ITGA9: variants seen among roughly 807,000 people sequenced by gnomAD.
ITGA9 encodes the protein integrin subunit alpha 9.
In ITGA9, 56 loss-of-function variants were observed where a neutral mutation model predicts 127.8. The observed-to-expected ratio is 0.44, with a 90% CI of 0.35 to 0.55. ITGA9 has a LOEUF of 0.55. ITGA9 is among the 20% of genes least tolerant of loss of function. The pLI is 0.00. For synonymous variants in ITGA9, 508 were observed against 514.5 expected (o/e 0.99, Z 0.17); for missense variants, 1,196 against 1,347.1 (o/e 0.89, Z 1.76).
intron 15 of ITGA9, among the ~76,000 whole-genome samples, chr3:37,627,315 C>A (rs1245695983): frequency 6.6e-6 from 1 of 152,178 alleles, no homozygotes. Context: ...AGCTCAGCAG[C>A]CACAGGCATG....
chr3:37,729,628 C>T (rs1575211319), intron 18 of ITGA9, among the ~76,000 whole-genome samples: 1 of 150,808 alleles, frequency 6.6e-6, no homozygotes, highest in Non-Finnish European at 1.5e-5. Flanking sequence ...TTCCAGAGTA[C>T]ATTTTTGAAG....
intron 18 of ITGA9, among the ~76,000 whole-genome samples, chr3:37,685,601 G>C (rs1305930561): frequency 6.6e-6 from 1 of 152,156 alleles, no homozygotes; most frequent in African/African-American, 2.4e-5. Flanking sequence ...TTGGGGATTT[G>C]ATCTGTGGAA....
intron 18 of ITGA9, among the ~76,000 whole-genome samples, chr3:37,725,838 A>G (rs2125686201): frequency 6.6e-6 from 1 of 152,316 alleles, no homozygotes; most frequent in South Asian, 2.1e-4. Context: ...TAGAGAAAGG[A>G]TGGTTAATTT....
intron 27 of ITGA9, among the ~76,000 whole-genome samples, chr3:37,816,987 C>G (rs1575252650): frequency 6.6e-6 from 1 of 152,340 alleles, no homozygotes; most frequent in South Asian, 2.1e-4. Context: ...CAGTTCTCGT[C>G]TTTGGCTTGG....
intron 27 of ITGA9, among the ~76,000 whole-genome samples, chr3:37,812,638 T>C (rs1388926853): frequency 1.3e-5 from 2 of 152,234 alleles, no homozygotes; most frequent in Admixed American, 1.3e-4. Context: ...AGGGAGCTGC[T>C]CTTTGGAGCT....
At chr3:37,564,440 T>C (rs1323125969) in intron 15 of ITGA9, among the ~76,000 whole-genome samples, 13 of 152,200 alleles carry the variant, frequency 8.5e-5, no homozygotes, top group Non-Finnish European at 1.5e-5. Context: ...GACTTAATTG[T>C]TTTGTTATAT....
intron 16 of ITGA9, among the ~76,000 whole-genome samples, chr3:37,641,218 T>C (rs1559556098): frequency 6.6e-6 from 1 of 152,172 alleles, no homozygotes; most frequent in Non-Finnish European, 1.5e-5. Flanking sequence ...TCCTGTCAGA[T>C]GAGCAGAGGC....
At chr3:37,618,279 T>A (rs1046184926) in intron 15 of ITGA9, among the ~76,000 whole-genome samples, 2 of 152,184 alleles carry the variant, frequency 1.3e-5, no homozygotes, top group African/African-American at 2.4e-5. Context: ...GAACAGTGGA[T>A]ATTGGTGAAC....
intron 6 of ITGA9, 104 bp downstream of exon 6, chr3:37,503,411 T>C (rs1486816453): frequency 3.9e-6 from 5 of 1,268,278 alleles, no homozygotes; most frequent in Non-Finnish European, 5.6e-6. Flanking sequence ...TTAGTTGGCT[T>C]TGACGCCTGT....
chr3:37,488,696 G>A (rs113291279), intron 4 of ITGA9, among the ~76,000 whole-genome samples: 10,519 of 151,798 alleles, frequency 0.069, 558 homozygotes, highest in African/African-American at 0.15. Flanking sequence ...TACTTGGGAG[G>A]GTGAGGCACG....
At chr3:37,734,983 A>G (rs1200358423) in intron 19 of ITGA9, among the ~76,000 whole-genome samples, 1 of 152,218 alleles carries the variant, frequency 6.6e-6, no homozygotes, top group African/African-American at 2.4e-5. Flanking sequence ...CACCCAGCAG[A>G]GACGGGGCTC....
chr3:37,802,710 C>T (rs946492288), intron 26 of ITGA9, among the ~76,000 whole-genome samples: 4 of 152,196 alleles, frequency 2.6e-5, no homozygotes, highest in Non-Finnish European at 5.9e-5. Context: ...GAAGTGAGCA[C>T]TGATACATGT....
rs542648667 is a variant in ITGA9, at chr3:37,747,325, G to A, written c.2434-3137G>A. ...GGATACATGAGATGTTTTGATACAG[G>A]CATGCAGTGCATAATAATCATGTAA... On this transcript the variant is annotated intron_variant, in intron 22 of 27. Coordinates refer to ENST00000264741, the MANE Select transcript of ITGA9 (RefSeq NM_002207.3). 3.3e-5 allele frequency among the ~76,000 whole-genome samples: 5 copies of A among 152,154 alleles called. No homozygotes were observed. In the South Asian group the frequency reaches 6.2e-4, roughly 19 times the overall value.
At chr3:37,663,640 T>A (rs187301988) in intron 17 of ITGA9, among the ~76,000 whole-genome samples, 3 of 152,320 alleles carry the variant, frequency 2.0e-5, no homozygotes, top group Admixed American at 2.0e-4. Context: ...AGTGGCAGAA[T>A]GGTTAGAATC....
At chr3:37,678,978 A>G (rs1575189712) in intron 17 of ITGA9, among the ~76,000 whole-genome samples, 1 of 152,340 alleles carries the variant, frequency 6.6e-6, no homozygotes, top group African/African-American at 2.4e-5. Flanking sequence ...TACAAACCCA[A>G]TAACGCAGTC....
chr3:37,619,027 C>G (rs1177170314), intron 15 of ITGA9, among the ~76,000 whole-genome samples: 1 of 152,192 alleles, frequency 6.6e-6, no homozygotes, highest in East Asian at 1.9e-4. Flanking sequence ...GTTGGAAATG[C>G]AGAAATCGCC....
chr3:37,466,067 T>G (rs1698366764), intron 1 of ITGA9, among the ~76,000 whole-genome samples: 1 of 152,092 alleles, frequency 6.6e-6, no homozygotes, highest in Non-Finnish European at 1.5e-5. Context: ...AGGGTTGCTG[T>G]GAAGAGTAAA....
chr3:37,803,439 T>C (rs78367879), intron 26 of ITGA9, among the ~76,000 whole-genome samples: 4,767 of 152,278 alleles, frequency 0.031, 242 homozygotes, highest in African/African-American at 0.11. Flanking sequence ...TGTAGTTCTC[T>C]CCAAATGTCA....
intron 5 of ITGA9, among the ~76,000 whole-genome samples, chr3:37,495,078 A>G (rs888876714): frequency 2.0e-5 from 3 of 151,908 alleles, no homozygotes; most frequent in African/African-American, 7.3e-5. Context: ...GGTTCAAGCA[A>G]TTCTCTTGCC....
Sources: gnomAD v4.1 joint callset for allele counts (sites outside exome capture counted in the v4.1 genomes callset) on GRCh38, gnomAD v4.1.1 for gene constraint, MANE v1.5 for transcripts, NCBI Gene and HGNC (gene_info 2026-07-23, HGNC 2026-07-21) for gene names.